TRHDE: variants seen among roughly 807,000 people sequenced by gnomAD.
TRHDE encodes the protein thyrotropin-releasing hormone-degrading ectoenzyme.
Under a neutral mutation model 125.7 loss-of-function variants are expected in TRHDE, and 72 were observed. The observed-to-expected ratio is 0.57, with a 90% CI of 0.47 to 0.70. The LOEUF (loss-of-function observed/expected upper bound fraction) is 0.70. Among genes scored for constraint, TRHDE ranks in the 30% least tolerant of loss-of-function variants. The probability of loss-of-function intolerance (pLI) is 0.00; values close to 1 mark genes in which losing one functional copy is unlikely to be tolerated. For missense variants in TRHDE, 1,110 were observed against 1,327.1 expected, an observed-to-expected ratio of 0.84 and a Z score of 2.54; for synonymous variants, 509 against 509.1, an observed-to-expected ratio of 1.00 and a Z score of 0.00.
chr12:72,654,061 TATA>T (rs1372700671), intron 17 of TRHDE, among the ~76,000 whole-genome samples: 1 of 152,166 alleles, frequency 6.6e-6, no homozygotes, highest in African/African-American at 2.4e-5. Context: ...GCTCAGATCT[TATA>T]ATAGTTGGAC....
At chr12:72,556,599 T>G (rs1869937322) in intron 7 of TRHDE, among the ~76,000 whole-genome samples, 1 of 152,196 alleles carries the variant, frequency 6.6e-6, no homozygotes, top group Admixed American at 6.5e-5. Flanking sequence ...CCAGGCAAAG[T>G]GGAGAGGGAA....
At chr12:72,392,043 G>A (rs1261304791) in intron 3 of TRHDE, among the ~76,000 whole-genome samples, 1 of 152,120 alleles carries the variant, frequency 6.6e-6, no homozygotes, top group Non-Finnish European at 1.5e-5. Flanking sequence ...CTCTCTCTCT[G>A]TGTCTCTGCC....
intron 2 of TRHDE, among the ~76,000 whole-genome samples, chr12:72,187,310 A>AAC (rs59164233): frequency 0.16 from 21,321 of 131,048 alleles, 1,724 homozygotes; most frequent in East Asian, 0.18. Context: ...AGAGAAACAC[A>AAC]ACACACACAC....
At chr12:72,193,123 T>C (rs1164415934) in intron 2 of TRHDE, among the ~76,000 whole-genome samples, 1 of 152,084 alleles carries the variant, frequency 6.6e-6, no homozygotes, top group African/African-American at 2.4e-5. Flanking sequence ...AGTATCAGTA[T>C]ACAAAATTTT....
chr12:72,499,699 G>A (rs1193024619), intron 6 of TRHDE, 64 bp downstream of exon 6: 6 of 1,562,038 alleles, frequency 3.8e-6, no homozygotes, highest in Non-Finnish European at 5.2e-6. Flanking sequence ...ACTAATTCAT[G>A]TTAGATGTAT....
chr12:72,525,630 TG>T (rs1868319442), intron 6 of TRHDE, among the ~76,000 whole-genome samples: 2 of 148,368 alleles, frequency 1.3e-5, no homozygotes, highest in South Asian at 4.2e-4. Context: ...TGTGTGTGTG[TG>T]TGTGAGAGAG....
chr12:72,453,910 C>A (rs1875709051), intron 3 of TRHDE, among the ~76,000 whole-genome samples: 1 of 152,160 alleles, frequency 6.6e-6, no homozygotes, highest in Admixed American at 6.5e-5. Flanking sequence ...CCTAAGTTGA[C>A]CAGGATAAGT....
In TRHDE at chr12:72,341,292, C is replaced by T. The variant is rs1195024094; in HGVS notation, c.1189-36703C>T. 1.3e-5 allele frequency among the ~76,000 whole-genome samples: 2 copies of T among 149,048 alleles called. 1 individual carries two copies. Among genetic ancestry groups the T allele is most frequent in the South Asian group, 4.3e-4 (2 of 4,646 alleles). On this transcript the variant is annotated intron_variant, in intron 2 of 18. Coordinates refer to ENST00000261180, the MANE Select transcript of TRHDE (RefSeq NM_013381.3). ...ATGCTATCCGTCCCCCAGCCCCCAA[C>T]CCCCTGATGTTCCCCGCCCTGTGTC...
At chr12:72,528,039 A>C (rs1357211452) in intron 6 of TRHDE, among the ~76,000 whole-genome samples, 1 of 152,146 alleles carries the variant, frequency 6.6e-6, no homozygotes, top group African/African-American at 2.4e-5. Flanking sequence ...TTTGCATGAT[A>C]AACCACATTT....
chr12:72,421,879 G>T (rs1022131493), intron 3 of TRHDE, among the ~76,000 whole-genome samples: 2 of 152,066 alleles, frequency 1.3e-5, no homozygotes, highest in Non-Finnish European at 2.9e-5. Context: ...GGATATTTTT[G>T]TAAAAGCTGT....
chr12:72,136,023 A>G (rs1353205230), intron 2 of TRHDE, among the ~76,000 whole-genome samples: 2 of 152,168 alleles, frequency 1.3e-5, no homozygotes, highest in Non-Finnish European at 2.9e-5. Flanking sequence ...AGGGCTACCA[A>G]TGCTCATCTT....
intron 12 of TRHDE, among the ~76,000 whole-genome samples, chr12:72,596,352 A>G (rs1871938810): frequency 6.6e-6 from 1 of 152,146 alleles, no homozygotes; most frequent in South Asian, 2.1e-4. Context: ...TATAAGAAAT[A>G]CATGTAGTTC....
At chr12:72,456,176 CAG>C (rs1555187731) in intron 3 of TRHDE, among the ~76,000 whole-genome samples, 2 of 140,442 alleles carry the variant, frequency 1.4e-5, no homozygotes, top group African/African-American at 5.7e-5. Context: ...CACACACACA[CAG>C]AGACTCAGAG....
chr12:72,133,804 C>T (rs562066632), intron 2 of TRHDE, among the ~76,000 whole-genome samples: 2 of 152,242 alleles, frequency 1.3e-5, no homozygotes, highest in African/African-American at 2.4e-5. Context: ...GCTGGGACTA[C>T]GAAAGCTGCA....
At chr12:72,610,158 C>T (rs746650680) in intron 12 of TRHDE, among the ~76,000 whole-genome samples, 6 of 152,010 alleles carry the variant, frequency 3.9e-5, no homozygotes, top group African/African-American at 1.2e-4. Flanking sequence ...ATTATTTATC[C>T]GTGACCTTCC....
chr12:72,141,190 C>T (rs1166331984), intron 2 of TRHDE, among the ~76,000 whole-genome samples: 1 of 152,060 alleles, frequency 6.6e-6, no homozygotes, highest in Non-Finnish European at 1.5e-5. Context: ...AGCAGGCCCT[C>T]AAGGAAAGTT....
At position 72,165,770 on chromosome 12, in the gene TRHDE, G is replaced by A. The variant is rs1461878784; in HGVS notation, n.279+60018G>A. Among the ~76,000 whole-genome samples, 3 of 152,092 alleles carry A rather than the reference G, an allele frequency of 2.0e-5. No individual in the cohort carries two copies. The East Asian group carries it at 5.8e-4, about 29-fold the overall frequency. The stretch of plus-strand genomic sequence containing the variant: ...GCTCACTGCAAGCTGCGCCTCCTGG[G>A]TTCACACCATTCTCCTGCCTCAGCC... On this transcript the variant is annotated intron_variant and non_coding_transcript_variant, in intron 2 of 4. Coordinates refer to the TRHDE transcript ENST00000548156.
intron 2 of TRHDE, among the ~76,000 whole-genome samples, chr12:72,154,967 T>C (rs1876467484): frequency 6.6e-6 from 1 of 152,240 alleles, no homozygotes; most frequent in Admixed American, 6.5e-5. Flanking sequence ...GAAGTTCTCC[T>C]GGATAATATC....
rs560721487 is a variant in TRHDE, at chr12:72,333,376, A to C, written c.1189-44619A>C. Among the ~76,000 whole-genome samples the C allele has an allele frequency of 8.5e-5, 13 of 152,374 alleles. No homozygotes were observed. In the South Asian group the frequency reaches 2.7e-3, roughly 32 times the overall value. ...TAGATTTGAAGGTTGTCTGAATTGGAAAATGTTAACAATTAGAAATTTGGA... is the reference window on the plus strand; with the variant it reads ...TAGATTTGAAGGTTGTCTGAATTGGCAAATGTTAACAATTAGAAATTTGGA... On this transcript the variant is annotated intron_variant, in intron 2 of 18. Transcript: ENST00000261180.
Sources: allele counts gnomAD v4.1 joint callset (sites outside exome capture counted in the v4.1 genomes callset), GRCh38; gene constraint gnomAD v4.1.1; transcripts MANE v1.5; gene names NCBI Gene and HGNC (gene_info 2026-07-23, HGNC 2026-07-21).